Variants in GALNT17 observed in about 807,000 individuals in gnomAD.
GALNT17 encodes the protein UDP-GalNAc:polypeptide N-acetylgalactosaminyltransferase-like 3.
A neutral mutation model predicts 63.7 loss-of-function variants in GALNT17; 29 were observed. The observed-to-expected ratio is 0.46, with a 90% CI of 0.34 to 0.62. The LOEUF (loss-of-function observed/expected upper bound fraction) is 0.62. GALNT17 is among the 20% of genes least tolerant of loss of function. The pLI, the probability that GALNT17 is intolerant of heterozygous loss-of-function variation, is 0.01. For missense variants in GALNT17, 603 were observed against 799.6 expected (o/e 0.75, Z 2.97); for synonymous variants, 305 against 318.3 (o/e 0.96, Z 0.45).
At chr7:71,500,642 G>A (rs1788165806) in intron 5 of GALNT17, among the ~76,000 whole-genome samples, 1 of 152,134 alleles carries the variant, frequency 6.6e-6, no homozygotes, top group Non-Finnish European at 1.5e-5. Flanking sequence ...TGTCCTCCAA[G>A]CATCCTTTGC....
intron 1 of GALNT17, among the ~76,000 whole-genome samples, chr7:71,291,433 A>G (rs561728704): frequency 2.6e-5 from 4 of 152,328 alleles, no homozygotes; most frequent in South Asian, 2.1e-4. Flanking sequence ...TTAGAATCCA[A>G]TTCCATGATA....
rs760072830 is a variant in GALNT17 at position 71,198,163 on chromosome 7, A to C, written c.238+65123A>C. Among the ~76,000 whole-genome samples the C allele has an allele frequency of 8.3e-5, 12 of 144,014 alleles. No individual in the cohort carries two copies. The East Asian group carries it at 2.5e-3, about 30-fold the overall frequency. The allele number at this position is 144,014 out of a possible 152,430, so 94.5% of individuals were successfully genotyped here. On this transcript the variant is annotated intron_variant, in intron 1 of 10. Coordinates refer to ENST00000333538, the MANE Select transcript of GALNT17 (RefSeq NM_022479.3). Reference sequence around the variant, plus strand: ...CAGTGAGTTGAGATTGTGACATTGCACTCCAGCCTGGGTGACCGAGCGAGA... The same window carrying C: ...CAGTGAGTTGAGATTGTGACATTGCCCTCCAGCCTGGGTGACCGAGCGAGA...
intron 7 of GALNT17, among the ~76,000 whole-genome samples, chr7:71,666,216 G>A (rs1052960208): frequency 1.3e-5 from 2 of 151,920 alleles, no homozygotes; most frequent in African/African-American, 2.4e-5. Context: ...ATTTGTTCCA[G>A]GATTCCCTGT....
At chr7:71,206,364 G>A (rs1453300100) in intron 1 of GALNT17, among the ~76,000 whole-genome samples, 1 of 151,876 alleles carries the variant, frequency 6.6e-6, no homozygotes, top group African/African-American at 2.4e-5. Flanking sequence ...TGAGCCACGA[G>A]AACAGAATAG....
chr7:71,492,668 G>A lies in GALNT17; in HGVS notation c.962+71563G>A, dbSNP rs189800477. Among the ~76,000 whole-genome samples, 189 of 152,330 alleles carry A rather than the reference G, an allele frequency of 1.2e-3. 1 individual carries two copies. The highest frequency in any genetic ancestry group is 2.1e-3 in the East Asian group (11 of 5,182). ...AAAGTACTCATGTGAAAGTGAGCAC[G>A]TCACTCCAGTTCTCTCAGTTTATTA... On this transcript the variant is annotated intron_variant, in intron 5 of 10. Coordinates refer to ENST00000333538, the MANE Select transcript of GALNT17 (RefSeq NM_022479.3).
chr7:71,419,848 G>T (rs1786627348), intron 4 of GALNT17, among the ~76,000 whole-genome samples: 1 of 152,206 alleles, frequency 6.6e-6, no homozygotes, highest in Non-Finnish European at 1.5e-5. Context: ...CAGCTTATAT[G>T]GTGTGTGCAG....
intron 6 of GALNT17, among the ~76,000 whole-genome samples, chr7:71,649,612 AAC>A (rs148658729): frequency 0.23 from 33,985 of 145,598 alleles, 3,833 homozygotes; most frequent in Non-Finnish European, 0.27. Context: ...TTCAGGATTA[AAC>A]ACACACACAC....
At chr7:71,482,918 C>T (rs914352705) in intron 5 of GALNT17, among the ~76,000 whole-genome samples, 1 of 152,106 alleles carries the variant, frequency 6.6e-6, no homozygotes, top group Non-Finnish European at 1.5e-5. Context: ...AATCTAATGT[C>T]ACTGCTGATC....
chr7:71,597,457 A>G (rs1444719584), intron 6 of GALNT17, among the ~76,000 whole-genome samples: 1 of 152,240 alleles, frequency 6.6e-6, no homozygotes, highest in East Asian at 1.9e-4. Flanking sequence ...GCAGGGAGCT[A>G]TGATTGTGCT....
At chr7:71,702,101 G>A (rs1039559129) in intron 9 of GALNT17, among the ~76,000 whole-genome samples, 3 of 151,570 alleles carry the variant, frequency 2.0e-5, no homozygotes, top group Non-Finnish European at 4.4e-5. Context: ...ACATAGAAAT[G>A]GAAACAATAG....
chr7:71,402,397 A>G (rs1793256465), intron 3 of GALNT17, among the ~76,000 whole-genome samples: 1 of 152,246 alleles, frequency 6.6e-6, no homozygotes, highest in African/African-American at 2.4e-5. Flanking sequence ...GCTAAATTAC[A>G]GTAATTGCTG....
At chr7:71,232,485 G>A (rs947267630) in intron 1 of GALNT17, among the ~76,000 whole-genome samples, 1 of 152,098 alleles carries the variant, frequency 6.6e-6, no homozygotes, top group Non-Finnish European at 1.5e-5. Flanking sequence ...GAAAGCAGGA[G>A]TTAGGGACTA....
intron 7 of GALNT17, among the ~76,000 whole-genome samples, chr7:71,666,737 A>T (rs1047723159): frequency 6.6e-6 from 1 of 152,238 alleles, no homozygotes; most frequent in African/African-American, 2.4e-5. Context: ...TTATGGCTGA[A>T]TCATCTCTAG....
intron 1 of GALNT17, among the ~76,000 whole-genome samples, chr7:71,251,437 G>A (rs962409126): frequency 1.4e-4 from 22 of 152,252 alleles, no homozygotes; most frequent in African/African-American, 5.3e-4. Flanking sequence ...TTGAGACAAG[G>A]TCCATGCTGT....
At chr7:71,619,642 T>C (rs943141108) in intron 6 of GALNT17, among the ~76,000 whole-genome samples, 3 of 152,252 alleles carry the variant, frequency 2.0e-5, no homozygotes, top group African/African-American at 7.2e-5. Flanking sequence ...ACATTGATTT[T>C]GTATCCTGAA....
At chr7:71,175,752 C>G (rs1238249000) in intron 1 of GALNT17, among the ~76,000 whole-genome samples, 1 of 152,060 alleles carries the variant, frequency 6.6e-6, no homozygotes, top group Non-Finnish European at 1.5e-5. Flanking sequence ...ATAATGACAA[C>G]AGGCTAGGCA....
At chr7:71,289,860 C>G (rs1288999150) in intron 1 of GALNT17, among the ~76,000 whole-genome samples, 2 of 143,244 alleles carry the variant, frequency 1.4e-5, no homozygotes, top group African/African-American at 5.2e-5. Context: ...GCCTGGGCAA[C>G]AAGAGCAAAA....
chr7:71,377,115 ATATATATATAT>A lies in GALNT17; in HGVS notation c.423-11119_423-11109del, dbSNP rs1298863123. Among the ~76,000 whole-genome samples the A allele has an allele frequency of 3.1e-4, 12 of 38,508 alleles. 1 individual carries two copies. Among genetic ancestry groups the A allele is most frequent in the Non-Finnish European group, 5.1e-4 (9 of 17,590 alleles). 25.3% of individuals were successfully genotyped at this position (38,508 alleles called of 152,430 possible). On this transcript the variant is annotated intron_variant, in intron 2 of 10. Coordinates refer to ENST00000333538, the MANE Select transcript of GALNT17 (RefSeq NM_022479.3). Reference sequence around the variant, plus strand: ...AAAAAAAAAAATAAAAATAAAAAAAATATATATATATATATATATATATATAAAATCTCCTT... The same window carrying A: ...AAAAAAAAAAATAAAAATAAAAAAAAATATATATATATATAAAATCTCCTT...
intron 1 of GALNT17, among the ~76,000 whole-genome samples, chr7:71,248,309 CT>C (rs1790137135): frequency 6.6e-6 from 1 of 152,178 alleles, no homozygotes; most frequent in Admixed American, 6.5e-5. Flanking sequence ...AGGTCCCCCC[CT>C]CAACACGTGG....
Sources: gnomAD v4.1 joint callset for allele counts (sites outside exome capture counted in the v4.1 genomes callset) on GRCh38, gnomAD v4.1.1 for gene constraint, MANE v1.5 for transcripts, NCBI Gene and HGNC (gene_info 2026-07-23, HGNC 2026-07-21) for gene names.